The following DIAPH2 variants were observed in gnomAD, a reference collection of about 807,000 sequenced individuals.
DIAPH2 encodes the protein diaphanous related formin 2.
In DIAPH2, 35 loss-of-function variants were observed where a neutral mutation model predicts 92.7. That is an observed-to-expected ratio of 0.38 (90% CI 0.29 to 0.50). DIAPH2 has a LOEUF of 0.50. Among genes scored for constraint, DIAPH2 ranks in the 20% least tolerant of loss-of-function variants. DIAPH2 has a pLI of 0.94. For synonymous variants in DIAPH2, 301 were observed against 280.4 expected, an observed-to-expected ratio of 1.07 and a Z score of -0.73; for missense variants, 701 against 819.5, an observed-to-expected ratio of 0.86 and a Z score of 1.77.
intron 22 of DIAPH2, among the ~76,000 whole-genome samples, chrX:97,242,565 C>T (rs909433773): frequency 9.2e-6 from 1 of 109,162 alleles, no homozygotes; most frequent in Non-Finnish European, 1.9e-5. Context: ...GGGGTTTCAC[C>T]ATGTTGGCCA....
chrX:97,459,089 CT>C (rs1213912399), intron 26 of DIAPH2, among the ~76,000 whole-genome samples: 2 of 112,243 alleles, frequency 1.8e-5, no homozygotes, highest in African/African-American at 6.5e-5. Context: ...AGATACTCCT[CT>C]TCAGCTGACA....
intron 3 of DIAPH2, among the ~76,000 whole-genome samples, chrX:96,753,137 A>G (rs1016298234): frequency 3.6e-5 from 4 of 112,103 alleles, no homozygotes; most frequent in African/African-American, 1.3e-4. Flanking sequence ...AAGTATACAA[A>G]TACAGACACT....
In DIAPH2 at chrX:97,476,998, C is replaced by T. The variant is rs1274068293; in HGVS notation, c.3241+47253C>T. ...ATATATATATATACACACACACACACACACACACACACACACACACACACA... is the reference window on the plus strand; with the variant it reads ...ATATATATATATACACACACACACATACACACACACACACACACACACACA... On this transcript the variant is annotated intron_variant, in intron 26 of 26. Coordinates refer to ENST00000324765, the MANE Select transcript of DIAPH2 (RefSeq NM_006729.5). 1.6e-3 allele frequency among the ~76,000 whole-genome samples: 136 copies of T among 86,996 alleles called. 3 individuals are homozygous for T. Among genetic ancestry groups the T allele is most frequent in the Middle Eastern group, 6.0e-3 (1 of 168 alleles). 75.5% of individuals were successfully genotyped at this position (86,996 alleles called of 115,157 possible).
chrX:97,087,748 G>C (rs2066793705), intron 19 of DIAPH2, among the ~76,000 whole-genome samples: 1 of 111,782 alleles, frequency 8.9e-6, no homozygotes, highest in Non-Finnish European at 1.9e-5. Context: ...GCTGTAACCT[G>C]TCACTCTTTC....
At chrX:96,896,637 G>C (rs1419597201) in intron 5 of DIAPH2, among the ~76,000 whole-genome samples, 2 of 112,161 alleles carry the variant, frequency 1.8e-5, no homozygotes, top group Non-Finnish European at 3.8e-5. Flanking sequence ...ATTAAAAAGA[G>C]AGTCTTTGTT....
At chrX:96,999,880 A>G (rs1470607724) in intron 17 of DIAPH2, among the ~76,000 whole-genome samples, 1 of 111,345 alleles carries the variant, frequency 9.0e-6, no homozygotes, top group African/African-American at 3.3e-5. Context: ...TAAGTCTCAC[A>G]AGAACTGACG....
At chrX:97,579,126 G>A (rs2071420147) in intron 26 of DIAPH2, among the ~76,000 whole-genome samples, 1 of 109,851 alleles carries the variant, frequency 9.1e-6, no homozygotes, top group Admixed American at 9.8e-5. Flanking sequence ...TAGGTTGCCT[G>A]TTCACTCTGA....
At chrX:97,411,377 TGCCTTACAAGA>T (rs1468510925) in intron 25 of DIAPH2, among the ~76,000 whole-genome samples, 10 of 111,926 alleles carry the variant, frequency 8.9e-5, no homozygotes, top group Non-Finnish European at 3.8e-5. Context: ...ACCACCAGCC[TGCCTTACAAGA>T]GCTCTTGAAG....
chrX:96,685,167 G>A lies in DIAPH2; in HGVS notation c.109G>A (p.Glu37Lys). The A allele has an allele frequency of 9.9e-7, 1 of 1,010,139 alleles. No individual in the cohort carries two copies. Among genetic ancestry groups the A allele is most frequent in the Non-Finnish European group, 1.3e-6 (1 of 788,771 alleles). The allele number at this position is 1,010,139 out of a possible 1,213,427, so 83.2% of individuals were successfully genotyped here. The stretch of plus-strand genomic sequence containing the variant: ...GGGGAACCGGGCCGCCAATGAAGAG[G>A]AAACGAAAAACAAACCCAAATTGGT... ...SAGNRAANEE[E>K]TKNKPKLNIQ... The change falls in exon 1 of 27, where the codon GAA becomes AAA. Residue 37 changes from glutamate (E) to lysine (K), a missense_variant. Glu to Lys is a moderately conservative substitution (Grantham distance 56, BLOSUM62 1). This residue lies in a region of DIAPH2 where 131 missense variants were observed against 145.6 expected (regional missense o/e 0.90). Transcript: ENST00000324765.
At chrX:97,324,752 A>T (rs1198751166) in intron 23 of DIAPH2, among the ~76,000 whole-genome samples, 1 of 111,349 alleles carries the variant, frequency 9.0e-6, no homozygotes, top group Non-Finnish European at 1.9e-5. Flanking sequence ...GATAACCTAA[A>T]CTATCTCTAT....
At chrX:97,164,178 T>C (rs770314479) in intron 22 of DIAPH2, among the ~76,000 whole-genome samples, 1 of 111,885 alleles carries the variant, frequency 8.9e-6, no homozygotes, top group African/African-American at 3.2e-5. Context: ...ACCTTTAAAA[T>C]ACTTATACTC....
At chrX:96,833,958 G>A (rs1236864917) in intron 4 of DIAPH2, among the ~76,000 whole-genome samples, 1 of 111,225 alleles carries the variant, frequency 9.0e-6, no homozygotes, top group Non-Finnish European at 1.9e-5. Context: ...CACCACGCCC[G>A]GCCAGGGGTT....
chrX:97,471,912 C>A (rs1386628039), intron 26 of DIAPH2, among the ~76,000 whole-genome samples: 1 of 110,685 alleles, frequency 9.0e-6, no homozygotes, highest in Non-Finnish European at 1.9e-5. Context: ...AAGGTCGCAG[C>A]TGGTGAATGG....
At chrX:96,694,521 A>T (rs2063814982) in intron 1 of DIAPH2, among the ~76,000 whole-genome samples, 1 of 110,563 alleles carries the variant, frequency 9.0e-6, no homozygotes, top group Non-Finnish European at 1.9e-5. Flanking sequence ...TTGTATTTTT[A>T]GTAGAGATGG....
At position 96,973,463 on chromosome X, in the gene DIAPH2, A is replaced by C. The variant is rs189413908; in HGVS notation, c.2050+8256A>C. On this transcript the variant is annotated intron_variant, in intron 17 of 26. Coordinates refer to ENST00000324765, the MANE Select transcript of DIAPH2 (RefSeq NM_006729.5). The stretch of plus-strand genomic sequence containing the variant: ...CAGTGAGCCGTGATCGTGCTCCTGC[A>C]CTCCAGCCAGGATGGCAGAGTCTCA... Among the ~76,000 whole-genome samples, 601 of 111,718 alleles carry C rather than the reference A, an allele frequency of 5.4e-3. 5 individuals are homozygous for C. Among genetic ancestry groups the C allele is most frequent in the African/African-American group, 0.019 (582 of 30,749 alleles).
At chrX:97,373,904 A>G (rs1218724587) in intron 24 of DIAPH2, among the ~76,000 whole-genome samples, 5 of 110,749 alleles carry the variant, frequency 4.5e-5, no homozygotes, top group Non-Finnish European at 7.5e-5. Context: ...GCCCGGCCTG[A>G]GGGAGGTACT....
chrX:97,336,348 CG>C (rs1271623430), intron 23 of DIAPH2, among the ~76,000 whole-genome samples: 5 of 107,127 alleles, frequency 4.7e-5, no homozygotes, highest in African/African-American at 1.7e-4. Context: ...GGGTTCACGC[CG>C]GTTCTCCTGC....
rs1158380514 is a variant in DIAPH2 at position 96,706,956 on chromosome X, C to A, written c.132+21766C>A. On this transcript the variant is annotated intron_variant, in intron 1 of 26. Coordinates refer to ENST00000324765, the MANE Select transcript of DIAPH2 (RefSeq NM_006729.5). ...TCTTTGGGTGGAGGTATATCCAAAT[C>A]TCTGGAGGATAGGAGATTCTTATCC... Among the ~76,000 whole-genome samples, 3 of 110,881 alleles carry A rather than the reference C, an allele frequency of 2.7e-5. No homozygotes were observed. The East Asian group carries it at 8.7e-4, about 32-fold the overall frequency.
At chrX:97,048,582 A>G (rs1409585187) in intron 17 of DIAPH2, among the ~76,000 whole-genome samples, 2 of 111,075 alleles carry the variant, frequency 1.8e-5, no homozygotes, top group African/African-American at 3.3e-5. Context: ...CTTTAAGACC[A>G]TGCACATATC....
Sources: gnomAD v4.1 joint callset for allele counts (sites outside exome capture counted in the v4.1 genomes callset) on GRCh38, gnomAD v4.1.1 for gene constraint, gnomAD v4.1.1 regional missense constraint, MANE v1.5 for transcripts, NCBI Gene and HGNC (gene_info 2026-07-23, HGNC 2026-07-21) for gene names.